Variants in PRDM1 observed in about 807,000 individuals in gnomAD.
PRDM1 encodes PR domain zinc finger protein 1.
A neutral mutation model predicts 62.8 loss-of-function variants in PRDM1; 13 were observed. The ratio of observed to expected loss-of-function variants is 0.21; its 90% CI spans 0.13 to 0.33. The LOEUF is 0.33. Among genes scored for constraint, PRDM1 ranks in the 10% least tolerant of loss-of-function variants. The pLI is 1.00. For synonymous variants in PRDM1, 396 were observed against 417.6 expected, an observed-to-expected ratio of 0.95 and a Z score of 0.63; for missense variants, 895 against 1,058.8, an observed-to-expected ratio of 0.85 and a Z score of 2.15.
chr6:106,105,894 C>T lies in PRDM1; in HGVS notation c.1734C>T (p.Asn578=), dbSNP rs1774468924. 1.2e-6 allele frequency: 2 copies of T among 1,613,782 alleles called. No individual in the cohort carries two copies. Among genetic ancestry groups the T allele is most frequent in the Admixed American group, 3.3e-5 (2 of 59,954 alleles). ...ACGGCAAGATCAAGTACGAATGCAA[C>T]GTTTGCGCCAAGACTTTCGGCCAGC... is the stretch of plus-strand genomic sequence containing the variant. ...KQNGKIKYEC[N]VCAKTFGQLS... is the part of the protein sequence containing the mutation. The change falls in exon 5 of 7, where the codon AAC becomes AAT. Residue 578 remains asparagine, a synonymous_variant. Coordinates refer to ENST00000369096, the MANE Select transcript of PRDM1 (RefSeq NM_001198.4).
At chr6:106,047,694 A>C (rs1193861463), upstream of PRDM1, among the ~76,000 whole-genome samples, 1 of 152,224 alleles carries the variant, frequency 6.6e-6, no homozygotes, top group Non-Finnish European at 1.5e-5. Flanking sequence ...AAGGGCTTTC[A>C]CTAAAACTTT....
intron 1 of PRDM1, among the ~76,000 whole-genome samples, chr6:106,026,869 A>C (rs1772773427): frequency 6.6e-6 from 1 of 152,232 alleles, no homozygotes; most frequent in Non-Finnish European, 1.5e-5. Flanking sequence ...GGACCAGGAA[A>C]ACCACAGACA....
At chr6:106,080,551 A>G (rs1265016758) in intron 1 of PRDM1, among the ~76,000 whole-genome samples, 2 of 152,174 alleles carry the variant, frequency 1.3e-5, no homozygotes, top group Non-Finnish European at 2.9e-5. Flanking sequence ...TACTTTGGAG[A>G]TTAGCTTGCT....
At chr6:106,046,451 G>A (rs1008742377), upstream of PRDM1, 2 of 152,332 alleles carry the variant, frequency 1.3e-5, no homozygotes, top group Admixed American at 6.6e-5. Context: ...GAGAAGCAGG[G>A]CCTTTCTGGG....
rs368897794 is a variant in PRDM1 at position 106,107,465 on chromosome 6, A to G, written c.2457A>G (p.Thr819=). 7.7e-5 allele frequency: 123 copies of G among 1,602,226 alleles called. No homozygotes were observed. Among genetic ancestry groups the G allele is most frequent in the Non-Finnish European group, 1.0e-4 (118 of 1,174,750 alleles). The change falls in exon 7 of 7, where the codon ACA becomes ACG. Residue 819 remains threonine, a synonymous_variant. Transcript: ENST00000369096. ...TACCTGTAAAGGTCAAACAAGAAAC[A>G]GTTGAACCAATGGATCCTTAAGATT... ...PLVPVKVKQE[T]VEPMDP is the part of the protein sequence containing the mutation.
At chr6:106,055,562 G>A (rs762397534) in intron 1 of PRDM1, among the ~76,000 whole-genome samples, 1 of 152,174 alleles carries the variant, frequency 6.6e-6, no homozygotes, top group Non-Finnish European at 1.5e-5. Flanking sequence ...TGAAAAGCCT[G>A]CAGATTAGAT....
At chr6:106,095,905 G>C in intron 3 of PRDM1, 171 bp downstream of exon 3, 1 of 696,118 alleles carries the variant, frequency 1.4e-6, no homozygotes, top group Middle Eastern at 2.5e-4. Flanking sequence ...TGAAACCGAT[G>C]AAATGTCTGG....
intron 1 of PRDM1, among the ~76,000 whole-genome samples, chr6:105,999,893 G>C (rs1223587894): frequency 6.6e-6 from 1 of 151,876 alleles, no homozygotes; most frequent in Non-Finnish European, 1.5e-5. Flanking sequence ...TTGCTCTGTC[G>C]CCCAGGCTGG....
chr6:105,997,605 C>T (rs557033437), intron 1 of PRDM1, among the ~76,000 whole-genome samples: 1 of 152,328 alleles, frequency 6.6e-6, no homozygotes, highest in East Asian at 1.9e-4. Flanking sequence ...ACCAGAGGTT[C>T]CCTGAGTTTT....
At position 106,095,818 on chromosome 6, in the gene PRDM1, C is replaced by T. The variant is rs952224166; in HGVS notation, c.411+84C>T. On this transcript the variant is annotated intron_variant, in intron 3 of 6. Transcript: ENST00000369096. ...AGCTGGGTGGCTCACCTTTCTCATCCTGTGCTGAGAAATGCTGGGGCTCAC... is the reference window on the plus strand; with the variant it reads ...AGCTGGGTGGCTCACCTTTCTCATCTTGTGCTGAGAAATGCTGGGGCTCAC... The T allele has an allele frequency of 1.9e-5, 28 of 1,456,300 alleles. No homozygotes were observed. In the East Asian group the frequency reaches 5.3e-4, roughly 28 times the overall value. The allele number at this position is 1,456,300 out of a possible 1,614,324, so 90.2% of individuals were successfully genotyped here. A position where few individuals can be genotyped will look rare whatever the true frequency, so the allele number is the denominator to read the frequency against.
Position 106,014,170 on chromosome 6 carries a change from C to T in PRDM1, c.-67+20531C>T, listed in dbSNP as rs191586292. 2.6e-3 allele frequency among the ~76,000 whole-genome samples: 399 copies of T among 150,976 alleles called. 1 individual carries two copies. Among genetic ancestry groups the T allele is most frequent in the African/African-American group, 9.1e-3 (372 of 41,104 alleles). On this transcript the variant is annotated intron_variant, in intron 1 of 6. Transcript: ENST00000652320. ...TGCTTCCCAGGCTCAAGCCATTCTCCTGCCTCAGCCTCCTGAATAGCTGGG... is the reference window on the plus strand; with the variant it reads ...TGCTTCCCAGGCTCAAGCCATTCTCTTGCCTCAGCCTCCTGAATAGCTGGG...
chr6:106,043,726 G>A (rs944995720), upstream of PRDM1, among the ~76,000 whole-genome samples: 9 of 152,000 alleles, frequency 5.9e-5, no homozygotes, highest in East Asian at 3.9e-4. Context: ...TAGAGACGGC[G>A]TTTCTCCCTG....
At chr6:105,998,933 A>ATATT (rs1290453454) in intron 1 of PRDM1, among the ~76,000 whole-genome samples, 3 of 6,382 alleles carry the variant, frequency 4.7e-4, no homozygotes, top group Non-Finnish European at 7.9e-4. Flanking sequence ...ATATATATAT[A>ATATT]TTTTTTTTTT....
In PRDM1 at chr6:106,007,539, A is replaced by G. The variant is rs1050279074; in HGVS notation, c.-67+13900A>G. Among the ~76,000 whole-genome samples the G allele has an allele frequency of 6.6e-5, 10 of 152,242 alleles. 1 individual carries two copies. The highest frequency in any genetic ancestry group is 1.0e-4 in the Non-Finnish European group (7 of 68,030). ...TCTACTACTGCATCTTCCAAATTAC[A>G]TGCAACTAAAGATGGGGGTATTGAC... On this transcript the variant is annotated intron_variant, in intron 1 of 6. Coordinates refer to the PRDM1 transcript ENST00000652320.
chr6:106,079,307 G>A (rs58813384), intron 1 of PRDM1, among the ~76,000 whole-genome samples: 10,635 of 152,066 alleles, frequency 0.07, 524 homozygotes, highest in East Asian at 0.16. Context: ...ACAAGGATCA[G>A]TGAGGGAAAA....
intron 1 of PRDM1, among the ~76,000 whole-genome samples, chr6:106,039,006 A>C (rs375535942): frequency 1.1e-4 from 16 of 152,228 alleles, no homozygotes; most frequent in Middle Eastern, 3.2e-3. Context: ...TCTTATTTTG[A>C]TTTGAATAGA....
intron 3 of PRDM1, among the ~76,000 whole-genome samples, chr6:106,097,161 A>C (rs1043604428): frequency 6.6e-6 from 1 of 152,232 alleles, no homozygotes; most frequent in South Asian, 2.1e-4. Flanking sequence ...CACCTGACTT[A>C]CAATGGTGGA....
upstream of PRDM1, among the ~76,000 whole-genome samples, chr6:106,083,366 CT>C (rs982111303): frequency 2.1e-3 from 323 of 151,606 alleles, 2 homozygotes; most frequent in Non-Finnish European, 1.4e-3. Context: ...CATTTCATCC[CT>C]TTTTTTTACC....
intron 1 of PRDM1, among the ~76,000 whole-genome samples, chr6:106,018,617 A>G (rs1308340810): frequency 1.3e-5 from 2 of 152,122 alleles, no homozygotes; most frequent in East Asian, 3.8e-4. Context: ...AGCAGTGGGC[A>G]GCTCTATTTT....
Sources: gnomAD v4.1 joint callset for allele counts (sites outside exome capture counted in the v4.1 genomes callset) on GRCh38, gnomAD v4.1.1 for gene constraint, MANE v1.5 for transcripts, NCBI Gene and HGNC (gene_info 2026-07-23, HGNC 2026-07-21) for gene names.